The following GLG1 variants were observed in gnomAD, a reference collection of about 807,000 sequenced individuals.
GLG1 encodes golgi glycoprotein 1.
Under a neutral mutation model 160.5 loss-of-function variants are expected in GLG1, and 38 were observed. That is an observed-to-expected ratio of 0.24 (90% confidence interval 0.18 to 0.31). The LOEUF is 0.31. Among genes scored for constraint, GLG1 ranks in the 10% least tolerant of loss-of-function variants. The pLI, the probability that GLG1 is intolerant of heterozygous loss-of-function variation, is 1.00. For synonymous variants in GLG1, 644 were observed against 543.4 expected, an observed-to-expected ratio of 1.19 and a Z score of -2.57; for missense variants, 1,373 against 1,505.2, an observed-to-expected ratio of 0.91 and a Z score of 1.45.
chr16:74,477,042 AGCC>A (rs1229201633), intron 12 of GLG1, among the ~76,000 whole-genome samples: 2 of 152,242 alleles, frequency 1.3e-5, no homozygotes, highest in African/African-American at 4.8e-5. Flanking sequence ...TGTGAAATGG[AGCC>A]AGTAGTAAGC....
intron 15 of GLG1, 98 bp downstream of exon 15, chr16:74,471,075 A>T (rs2015191654): frequency 1.3e-6 from 1 of 761,586 alleles, no homozygotes; most frequent in South Asian, 1.5e-5. Flanking sequence ...ATGACTTTTA[A>T]CAGAACATCA....
intron 1 of GLG1, among the ~76,000 whole-genome samples, chr16:74,542,117 A>G (rs1468545660): frequency 2.7e-5 from 4 of 149,566 alleles, no homozygotes; most frequent in Non-Finnish European, 5.9e-5. Flanking sequence ...TCCTAGACTG[A>G]CAGTTCTACT....
rs1230682655 is a variant in GLG1 at position 74,447,731 on chromosome 16, CTG to C, written c.*5434_*5435del. 1 of 152,294 alleles carries C rather than the reference CTG, an allele frequency of 6.6e-6. No homozygotes were observed. Among genetic ancestry groups the C allele is most frequent in the Non-Finnish European group, 1.5e-5 (1 of 68,076 alleles). 9.4% of individuals were successfully genotyped at this position (152,294 alleles called of 1,614,324 possible). The stretch of plus-strand genomic sequence containing the variant: ...TTCCGGATGGACTGGTTTGGGAACA[CTG>C]TGCTGGGGGAAGCTGCCCAGGAAGC... On this transcript the variant is annotated 3_prime_UTR_variant, in exon 26 of 26. Coordinates refer to ENST00000422840, the MANE Select transcript of GLG1 (RefSeq NM_001145667.2).
At chr16:74,461,466 C>CTT (rs34176824) in intron 22 of GLG1, 1,760 of 67,090 alleles carry the variant, frequency 0.026, 152 homozygotes, top group Non-Finnish European at 0.03. Context: ...CTCGCCCGGG[C>CTT]TTTTTTTTTT....
chr16:74,597,897 T>C (rs538030922), intron 1 of GLG1, among the ~76,000 whole-genome samples: 25 of 147,270 alleles, frequency 1.7e-4, no homozygotes, highest in African/African-American at 5.5e-4. Flanking sequence ...GTACCTGTAG[T>C]CCTAGCTACT....
chr16:74,491,956 A>C (rs1394531190), intron 7 of GLG1, among the ~76,000 whole-genome samples: 1 of 151,872 alleles, frequency 6.6e-6, no homozygotes, highest in East Asian at 1.9e-4. Flanking sequence ...AGATTAAAAC[A>C]AAACAAAACA....
At chr16:74,604,834 A>C (rs1158142798) in intron 1 of GLG1, among the ~76,000 whole-genome samples, 3 of 152,186 alleles carry the variant, frequency 2.0e-5, no homozygotes, top group Non-Finnish European at 4.4e-5. Context: ...GCAGATCACA[A>C]GGTCAGGAGA....
intron 1 of GLG1, among the ~76,000 whole-genome samples, chr16:74,566,971 T>C (rs1049062523): frequency 5.9e-5 from 9 of 152,192 alleles, no homozygotes; most frequent in Admixed American, 2.0e-4. Context: ...GCAAAGAATA[T>C]AGATATCAGA....
At chr16:74,469,384 G>A (rs1402822309) in intron 16 of GLG1, 1 of 310,708 alleles carries the variant, frequency 3.2e-6, no homozygotes, top group Non-Finnish European at 6.1e-6. Context: ...TTAACTCTAG[G>A]ACTGTACTTT....
In GLG1 at chr16:74,505,682, C is replaced by T. The variant is rs143062873; in HGVS notation, c.559-1936G>A. ...CCAGCCTGGGCAACACGGTGAAAGC[C>T]TGTCTCTAATAAAATACAAAAAATT... On this transcript the variant is annotated intron_variant, in intron 3 of 25. Coordinates refer to ENST00000422840, the MANE Select transcript of GLG1 (RefSeq NM_001145667.2). Among the ~76,000 whole-genome samples, 712 of 152,256 alleles carry T rather than the reference C, an allele frequency of 4.7e-3. 3 individuals carry two copies. Among genetic ancestry groups the T allele is most frequent in the Non-Finnish European group, 8.1e-3 (549 of 68,014 alleles).
In GLG1 at chr16:74,492,903, T is replaced by C. The variant is rs540220215; in HGVS notation, c.1234+54A>G. 1.6e-4 allele frequency: 178 copies of C among 1,089,662 alleles called. 3 individuals carry two copies. The South Asian group carries it at 2.2e-3, about 14-fold the overall frequency. The allele number at this position is 1,089,662 out of a possible 1,614,324, so 67.5% of individuals were successfully genotyped here. ...CGTTTATATATATAAAGCTTTAGAG[T>C]GTGAATCCAAAAAGGAACAGAAATG... On this transcript the variant is annotated intron_variant, in intron 7 of 25. Coordinates refer to ENST00000422840, the MANE Select transcript of GLG1 (RefSeq NM_001145667.2).
In GLG1 at chr16:74,480,361, T is replaced by C. The variant is rs1597247762; in HGVS notation, c.1707A>G (p.Gly569=). ...GGGTGTGGCAAAGACGAGAAGCGTC[T>C]CCCTGGCACTTGCGGTACAGGACAG... The part of the protein sequence containing the change: ...LDPVLYRKCQ[G]DASRLCHTHG... Residue 569 remains glycine, a synonymous_variant, in exon 11 of 26, where the codon GGA becomes GGG. Coordinates refer to ENST00000422840, the MANE Select transcript of GLG1 (RefSeq NM_001145667.2). The C allele has an allele frequency of 6.2e-7, 1 of 1,613,778 alleles. No homozygotes were observed. Among genetic ancestry groups the C allele is most frequent in the Non-Finnish European group, 8.5e-7 (1 of 1,179,698 alleles).
chr16:74,477,333 C>T (rs2015419149), intron 12 of GLG1, 63 bp downstream of exon 12: 2 of 1,193,938 alleles, frequency 1.7e-6, no homozygotes, highest in African/African-American at 3.0e-5. Flanking sequence ...TTGTACTCTG[C>T]ATAAAATGTT....
chr16:74,550,971 T>A (rs1426690013), intron 1 of GLG1, among the ~76,000 whole-genome samples: 1 of 152,208 alleles, frequency 6.6e-6, no homozygotes, highest in Non-Finnish European at 1.5e-5. Context: ...GCTGATCTAA[T>A]GTCTGAAGTT....
At chr16:74,533,047 A>G (rs527562168) in intron 1 of GLG1, among the ~76,000 whole-genome samples, 3 of 152,348 alleles carry the variant, frequency 2.0e-5, no homozygotes, top group South Asian at 2.1e-4. Flanking sequence ...CAGGCAGGGC[A>G]CGGTGGCTCA....
chr16:74,606,025 C>A (rs567970954), intron 1 of GLG1, among the ~76,000 whole-genome samples: 1 of 152,276 alleles, frequency 6.6e-6, no homozygotes, highest in South Asian at 2.1e-4. Context: ...CTCAGAAAGG[C>A]AAGATCCCAT....
At chr16:74,491,468 C>T (rs1025200435) in intron 7 of GLG1, among the ~76,000 whole-genome samples, 4 of 152,070 alleles carry the variant, frequency 2.6e-5, no homozygotes, top group African/African-American at 4.8e-5. Context: ...AATGCAAATG[C>T]TTTGCCCATG....
At position 74,493,087 on chromosome 16, in the gene GLG1, G is replaced by A; in HGVS notation, c.1104C>T (p.Val368=). ...TACAGGATTTGGCCAATGAATAACTGACTTTATAATCCTGGGCAATCAGCT... is the reference window on the plus strand; with the variant it reads ...TACAGGATTTGGCCAATGAATAACTAACTTTATAATCCTGGGCAATCAGCT... ...RQKLIAQDYK[V]SYSLAKSCKS... Residue 368 remains valine (V), a synonymous_variant, in exon 7 of 26, where the codon GTC becomes GTT. Coordinates refer to ENST00000422840, the MANE Select transcript of GLG1 (RefSeq NM_001145667.2). 6.2e-7 allele frequency: 1 copy of A among 1,613,732 alleles called. No individual in the cohort carries two copies. Among genetic ancestry groups the A allele is most frequent in the Non-Finnish European group, 8.5e-7 (1 of 1,179,692 alleles).
rs1225860130 is a variant in GLG1 at position 74,497,315 on chromosome 16, CAA to C, written c.775-673_775-672del. 1.0e-4 allele frequency among the ~76,000 whole-genome samples: 15 copies of C among 145,144 alleles called. 2 individuals carry two copies. Among genetic ancestry groups the C allele is most frequent in the Admixed American group, 7.2e-5 (1 of 13,838 alleles). The stretch of plus-strand genomic sequence containing the variant: ...AAAAACACACACACACACACACACA[CAA>C]AAAACCACATCGGCTCAAAGTTCTG... On this transcript the variant is annotated intron_variant, in intron 4 of 25. Transcript: ENST00000422840.
Sources: allele counts gnomAD v4.1 joint callset (sites outside exome capture counted in the v4.1 genomes callset), GRCh38; gene constraint gnomAD v4.1.1; transcripts MANE v1.5; gene names NCBI Gene and HGNC (gene_info 2026-07-23, HGNC 2026-07-21).